SMCHD1: variants seen among roughly 807,000 people sequenced by gnomAD.
The protein encoded by SMCHD1 is structural maintenance of chromosomes flexible hinge domain-containing protein 1.
SMCHD1 carries 78 observed loss-of-function variants against 254.7 expected under a neutral mutation model. That is an observed-to-expected ratio of 0.31 (90% CI 0.26 to 0.37). SMCHD1 has a LOEUF of 0.37. Among genes scored for constraint, SMCHD1 ranks in the 10% least tolerant of loss-of-function variants. SMCHD1 has a pLI of 1.00. For missense variants in SMCHD1, 1,840 were observed against 2,408.1 expected, an observed-to-expected ratio of 0.76 and a Z score of 4.94; for synonymous variants, 766 against 794.9, an observed-to-expected ratio of 0.96 and a Z score of 0.61.
rs12608077 is a variant in SMCHD1, at chr18:2,722,916, A to G, written c.2603+253A>G. 0.13 allele frequency among the ~76,000 whole-genome samples: 20,160 copies of G among 151,876 alleles called. 1,808 individuals are homozygous for G. The highest frequency in any genetic ancestry group is 0.42 in the East Asian group (2,171 of 5,168). The stretch of plus-strand genomic sequence containing the variant: ...TGTTAAGGTGTTTATGTCTTACTCT[A>G]TGTTCTTTTGCAAGTATGATATAAT... On this transcript the variant is annotated intron_variant, in intron 20 of 47. Coordinates refer to ENST00000320876, the MANE Select transcript of SMCHD1 (RefSeq NM_015295.3).
At chr18:2,683,230 C>CT (rs1040524809) in intron 5 of SMCHD1, among the ~76,000 whole-genome samples, 17 of 148,916 alleles carry the variant, frequency 1.1e-4, no homozygotes, top group East Asian at 7.8e-4. Flanking sequence ...AACTCATTTA[C>CT]TTTTTTTTTT....
chr18:2,715,801 T>C (rs1267129050), intron 17 of SMCHD1, among the ~76,000 whole-genome samples: 1 of 152,138 alleles, frequency 6.6e-6, no homozygotes, highest in Non-Finnish European at 1.5e-5. Flanking sequence ...CAGTGAGCTA[T>C]GATTGTGCCG....
intron 47 of SMCHD1, among the ~76,000 whole-genome samples, chr18:2,802,253 G>C (rs967385866): frequency 6.6e-6 from 1 of 151,990 alleles, no homozygotes; most frequent in African/African-American, 2.4e-5. Context: ...CAGAATTTAG[G>C]TCTGAGATAA....
chr18:2,722,265 C>T (rs2074942752), intron 19 of SMCHD1, among the ~76,000 whole-genome samples: 1 of 152,146 alleles, frequency 6.6e-6, no homozygotes, highest in Non-Finnish European at 1.5e-5. Context: ...TGATGAGACC[C>T]TGCCGCTACA....
intron 8 of SMCHD1, among the ~76,000 whole-genome samples, chr18:2,696,752 G>A (rs2074293914): frequency 1.3e-5 from 2 of 152,178 alleles, no homozygotes; most frequent in Non-Finnish European, 2.9e-5. Context: ...GGTCTTTGAA[G>A]TTGGAAAGGT....
chr18:2,748,308 G>T (rs1006867558), intron 30 of SMCHD1, among the ~76,000 whole-genome samples: 2 of 150,086 alleles, frequency 1.3e-5, no homozygotes, highest in Non-Finnish European at 2.9e-5. Flanking sequence ...ACTCCTTCTA[G>T]GGGAAAGAGG....
chr18:2,755,400 A>G (rs1224186016), intron 34 of SMCHD1, among the ~76,000 whole-genome samples: 2 of 151,922 alleles, frequency 1.3e-5, no homozygotes, highest in Non-Finnish European at 2.9e-5. Context: ...AGTTCAAGCA[A>G]TCCTCCCACC....
At chr18:2,691,897 C>T (rs975468430) in intron 7 of SMCHD1, 1 of 152,258 alleles carries the variant, frequency 6.6e-6, no homozygotes, top group Non-Finnish European at 1.5e-5. Context: ...AACAGAGTTT[C>T]TGGCCATAAC....
intron 12 of SMCHD1, 147 bp downstream of exon 12, chr18:2,701,065 A>T (rs1306603436): frequency 5.7e-6 from 3 of 530,758 alleles, no homozygotes; most frequent in Non-Finnish European, 9.3e-6. Flanking sequence ...AAGTGTTCAC[A>T]TTACTAAAAA....
At chr18:2,762,961 G>A (rs538821277) in intron 36 of SMCHD1, among the ~76,000 whole-genome samples, 1 of 152,258 alleles carries the variant, frequency 6.6e-6, no homozygotes, top group East Asian at 1.9e-4. Context: ...GAAAATCAGA[G>A]CTCCTCCAAG....
chr18:2,682,457 G>A (rs187302819), intron 5 of SMCHD1, among the ~76,000 whole-genome samples: 3 of 152,052 alleles, frequency 2.0e-5, no homozygotes, highest in Admixed American at 2.0e-4. Context: ...CAAGTAGCTG[G>A]GATTATAGAT....
chr18:2,683,075 C>CTGA (rs2073967140), intron 5 of SMCHD1, among the ~76,000 whole-genome samples: 1 of 152,136 alleles, frequency 6.6e-6, no homozygotes, highest in Admixed American at 6.5e-5. Flanking sequence ...TTTGCATGAC[C>CTGA]TGATGTATGT....
intron 17 of SMCHD1, among the ~76,000 whole-genome samples, chr18:2,709,902 GACAA>G (rs1030383166): frequency 4.6e-5 from 7 of 152,068 alleles, no homozygotes; most frequent in Admixed American, 2.0e-4. Flanking sequence ...TTTTAATTTT[GACAA>G]ACAATTAGTT....
At chr18:2,708,894 AT>A (rs1568198524) in intron 17 of SMCHD1, among the ~76,000 whole-genome samples, 850 of 76,906 alleles carry the variant, frequency 0.011, 153 homozygotes, top group South Asian at 0.016. Flanking sequence ...ATATATATAT[AT>A]ATATATATAT....
At chr18:2,736,232 C>A (rs2075246965) in intron 25 of SMCHD1, among the ~76,000 whole-genome samples, 1 of 152,168 alleles carries the variant, frequency 6.6e-6, no homozygotes, top group African/African-American at 2.4e-5. Flanking sequence ...TGGATCCCTA[C>A]CTTTTACCAT....
Position 2,726,482 on chromosome 18 carries a change from T to C in SMCHD1, c.2731T>C (p.Leu911=). The part of the protein sequence containing the change: ...NYNLKVTLPG[L]KEDSQILKIR... ...TAATCTGAAGGTTACTCTGCCTGGC[T>C]TAAAAGAAGACTCACAGATTTTGAA... The change falls in exon 22 of 48, where the codon TTA becomes CTA. Residue 911 remains leucine, a synonymous_variant. Coordinates refer to ENST00000320876, the MANE Select transcript of SMCHD1 (RefSeq NM_015295.3). The C allele has an allele frequency of 6.6e-7, 1 of 1,508,612 alleles. No individual in the cohort carries two copies. Among genetic ancestry groups the C allele is most frequent in the Non-Finnish European group, 8.9e-7 (1 of 1,118,018 alleles). 93.5% of individuals were successfully genotyped at this position (1,508,612 alleles called of 1,614,324 possible). A position where few individuals can be genotyped will look rare whatever the true frequency, so the allele number is the denominator to read the frequency against.
chr18:2,709,228 A>ATGTGTGTATATG, intron 17 of SMCHD1, among the ~76,000 whole-genome samples: 1 of 108,910 alleles, frequency 9.2e-6, no homozygotes, highest in Non-Finnish European at 1.9e-5. Flanking sequence ...ATATGTGTAT[A>ATGTGTGTATATG]TGTGTATATA....
chr18:2,762,343 G>A, intron 36 of SMCHD1, 107 bp downstream of exon 36: 1 of 1,015,418 alleles, frequency 9.8e-7, no homozygotes, highest in South Asian at 1.7e-5. Context: ...TCTGATTAAG[G>A]TTATAGGGAA....
chr18:2,687,534 G>T (rs1460734833), intron 5 of SMCHD1, among the ~76,000 whole-genome samples: 1 of 151,962 alleles, frequency 6.6e-6, no homozygotes, highest in Non-Finnish European at 1.5e-5. Flanking sequence ...CAGTGATGTT[G>T]ATTTCTTTTT....
Sources: allele counts gnomAD v4.1 joint callset (sites outside exome capture counted in the v4.1 genomes callset), GRCh38; gene constraint gnomAD v4.1.1; transcripts MANE v1.5; gene names NCBI Gene and HGNC (gene_info 2026-07-23, HGNC 2026-07-21).